The following RASGRP3 variants were observed in gnomAD, a reference collection of about 807,000 sequenced individuals.
The protein encoded by RASGRP3 is ras guanyl-releasing protein 3.
Under a neutral mutation model 82.7 loss-of-function variants are expected in RASGRP3, and 54 were observed. The observed-to-expected ratio is 0.65, with a 90% CI of 0.52 to 0.82. The LOEUF (loss-of-function observed/expected upper bound fraction) is 0.82, where lower values mean the gene tolerates loss of function less well. RASGRP3 is among the 40% of genes least tolerant of loss of function. RASGRP3 has a pLI of 0.00. For synonymous variants in RASGRP3, 309 were observed against 300.5 expected, an observed-to-expected ratio of 1.03 and a Z score of -0.29; for missense variants, 861 against 828.9, an observed-to-expected ratio of 1.04 and a Z score of -0.48.
chr2:33,446,387 G>C (rs538148839), intron 1 of RASGRP3, among the ~76,000 whole-genome samples: 1 of 152,164 alleles, frequency 6.6e-6, no homozygotes, highest in South Asian at 2.1e-4. Flanking sequence ...TCGATCTCCT[G>C]ACCTCATGAT....
At chr2:33,523,532 C>T (rs965179730) in intron 7 of RASGRP3, among the ~76,000 whole-genome samples, 1 of 151,628 alleles carries the variant, frequency 6.6e-6, no homozygotes, top group Non-Finnish European at 1.5e-5. Flanking sequence ...CTAGAGTGTT[C>T]CCAGGAACCA....
chr2:33,524,350 T>C, intron 8 of RASGRP3, 82 bp from the exon 9 acceptor site: 2 of 922,232 alleles, frequency 2.2e-6, no homozygotes, highest in African/African-American at 1.7e-5. Context: ...GTTATTAAAA[T>C]TGTGCATAAA....
intron 1 of RASGRP3, among the ~76,000 whole-genome samples, chr2:33,508,926 A>G (rs946554452): frequency 2.6e-5 from 4 of 152,160 alleles, no homozygotes; most frequent in African/African-American, 9.7e-5. Context: ...TTCAAGAAGC[A>G]ATTATGAGTT....
intron 15 of RASGRP3, among the ~76,000 whole-genome samples, chr2:33,556,890 TAC>T (rs58614411): frequency 0.21 from 28,087 of 130,714 alleles, 2,863 homozygotes; most frequent in East Asian, 0.47. Context: ...TACCCTAAAA[TAC>T]ACACACACAC....
intron 4 of RASGRP3, 132 bp from the exon 5 acceptor site, chr2:33,519,820 C>A: frequency 1.7e-6 from 1 of 604,814 alleles, no homozygotes; most frequent in Non-Finnish European, 3.0e-6. Flanking sequence ...GAGGCCACTT[C>A]TCTCCGTATT....
At chr2:33,453,612 T>A (rs1380841877) in intron 2 of RASGRP3, among the ~76,000 whole-genome samples, 1 of 152,152 alleles carries the variant, frequency 6.6e-6, no homozygotes, top group Non-Finnish European at 1.5e-5. Flanking sequence ...GATGCAAGGT[T>A]TTTTATGACC....
At chr2:33,475,167 A>G (rs548607461), upstream of RASGRP3, among the ~76,000 whole-genome samples, 7 of 152,364 alleles carry the variant, frequency 4.6e-5, no homozygotes, top group African/African-American at 1.2e-4. Context: ...TTGCATTTTT[A>G]TATCTGAAGT....
intron 1 of RASGRP3, among the ~76,000 whole-genome samples, chr2:33,441,389 G>A (rs682530): frequency 0.076 from 11,641 of 152,236 alleles, 969 homozygotes; most frequent in African/African-American, 0.21. Context: ...AAAAGACCAA[G>A]GGTGTCAACC....
chr2:33,488,682 A>G (rs1668599562), intron 1 of RASGRP3, among the ~76,000 whole-genome samples: 2 of 152,246 alleles, frequency 1.3e-5, no homozygotes, highest in African/African-American at 4.8e-5. Context: ...AAAATCCACC[A>G]GTTAGTCAGG....
chr2:33,554,683 C>CATCG (rs1206298442), intron 14 of RASGRP3, among the ~76,000 whole-genome samples: 2 of 152,096 alleles, frequency 1.3e-5, no homozygotes, highest in African/African-American at 2.4e-5. Context: ...CCATATTAGC[C>CATCG]AGGATGGTCT....
At chr2:33,559,240 A>T (rs1302346387) in intron 17 of RASGRP3, among the ~76,000 whole-genome samples, 3 of 152,070 alleles carry the variant, frequency 2.0e-5, no homozygotes, top group African/African-American at 7.2e-5. Context: ...ATCATGATTT[A>T]AAAAAATTGA....
chr2:33,549,187 A>G (rs1675135085), intron 13 of RASGRP3, among the ~76,000 whole-genome samples: 1 of 152,144 alleles, frequency 6.6e-6, no homozygotes, highest in South Asian at 2.1e-4. Context: ...AGCTGAATGA[A>G]TTTGAGAATG....
chr2:33,564,456 A>G lies in RASGRP3; in HGVS notation c.*1719A>G, dbSNP rs982284976. On this transcript the variant is annotated 3_prime_UTR_variant, in exon 18 of 18. Transcript: ENST00000403687. ...TATATTACACTATCTACTACTATCC[A>G]TAAATGCAATAATATGCATGTTAAC... 1.3e-5 allele frequency: 2 copies of G among 152,250 alleles called. No homozygotes were observed. The highest frequency in any genetic ancestry group is 2.9e-5 in the Non-Finnish European group (2 of 68,052). The allele number at this position is 152,250 out of a possible 1,614,324, so 9.4% of individuals were successfully genotyped here.
intron 1 of RASGRP3, among the ~76,000 whole-genome samples, chr2:33,445,303 G>A (rs983194606): frequency 2.0e-5 from 3 of 152,132 alleles, no homozygotes; most frequent in Non-Finnish European, 2.9e-5. Context: ...CTGAAATCCT[G>A]GCAATGAGTT....
chr2:33,503,376 C>T (rs1463324596), intron 1 of RASGRP3, among the ~76,000 whole-genome samples: 2 of 152,022 alleles, frequency 1.3e-5, no homozygotes, highest in African/African-American at 4.8e-5. Flanking sequence ...GATTTCATTT[C>T]AGGAGTAAGG....
intron 13 of RASGRP3, among the ~76,000 whole-genome samples, chr2:33,546,435 AAAAG>A (rs1292455486): frequency 7.9e-5 from 12 of 151,920 alleles, no homozygotes; most frequent in African/African-American, 2.9e-4. Flanking sequence ...AAAAAAAAAA[AAAAG>A]AAAGTCAAAA....
chr2:33,437,939 T>G (rs1390131877), intron 1 of RASGRP3, among the ~76,000 whole-genome samples: 1 of 152,112 alleles, frequency 6.6e-6, no homozygotes, highest in Non-Finnish European at 1.5e-5. Context: ...TGCTGCAAAG[T>G]CAGTTCTGAG....
intron 1 of RASGRP3, among the ~76,000 whole-genome samples, chr2:33,490,860 C>T (rs181948705): frequency 1.4e-3 from 220 of 152,280 alleles, no homozygotes; most frequent in African/African-American, 5.2e-3. Context: ...AGTTCACTGC[C>T]GGATACCCAG....
chr2:33,465,876 T>C (rs1263434078), intron 2 of RASGRP3, among the ~76,000 whole-genome samples: 1 of 151,864 alleles, frequency 6.6e-6, no homozygotes, highest in Admixed American at 6.6e-5. Context: ...TTGCTTTTTC[T>C]CTATAAATGG....
Sources: gnomAD v4.1 joint callset for allele counts (sites outside exome capture counted in the v4.1 genomes callset) on GRCh38, gnomAD v4.1.1 for gene constraint, MANE v1.5 for transcripts, NCBI Gene and HGNC (gene_info 2026-07-23, HGNC 2026-07-21) for gene names.